Variants in SLC22A7 observed in about 807,000 individuals in gnomAD.
SLC22A7 encodes hOAT2.
In SLC22A7, 48 loss-of-function variants were observed where a neutral mutation model predicts 62.2. The ratio of observed to expected loss-of-function variants is 0.77; its 90% confidence interval spans 0.61 to 0.98. The LOEUF is 0.98. Among genes scored for constraint, SLC22A7 ranks in the 50% least tolerant of loss-of-function variants. The pLI is 0.00. For missense variants in SLC22A7, 581 were observed against 703.8 expected, an observed-to-expected ratio of 0.83 and a Z score of 1.97; for synonymous variants, 276 against 314.8, an observed-to-expected ratio of 0.88 and a Z score of 1.30.
Position 43,298,282 on chromosome 6 carries a change from G to A in SLC22A7, c.-77G>A. 1 of 1,296,764 alleles carries A rather than the reference G, an allele frequency of 7.7e-7. No homozygotes were observed. The highest frequency in any genetic ancestry group is 2.4e-5 in the East Asian group (1 of 41,800). The allele number at this position is 1,296,764 out of a possible 1,614,324, so 80.3% of individuals were successfully genotyped here. On this transcript the variant is annotated 5_prime_UTR_variant, in exon 1 of 11. Transcript: ENST00000372585. ...TCCACTCCCACCTCCAGAGTCCAAG[G>A]GTCTATGTGGTGGGCAGTTTGAGCT...
chr6:43,296,783 G>A (rs1257892100), upstream of SLC22A7, among the ~76,000 whole-genome samples: 2 of 152,158 alleles, frequency 1.3e-5, no homozygotes, highest in Admixed American at 6.5e-5. Flanking sequence ...AGTCATAAGG[G>A]CCAAGCTAAG....
rs1443518274 is a variant in SLC22A7, at chr6:43,304,803, G to A, written c.*78G>A. The A allele has an allele frequency of 1.8e-5, 22 of 1,214,338 alleles. No individual in the cohort carries two copies. The South Asian group carries it at 3.0e-4, about 17-fold the overall frequency. The allele number at this position is 1,214,338 out of a possible 1,614,324, so 75.2% of individuals were successfully genotyped here. ...GCAGAAGGGCAGGCCCTGCAACTCAGGCTGGGAGTATCGAACCCTCTGCCT... is the reference window on the plus strand; with the variant it reads ...GCAGAAGGGCAGGCCCTGCAACTCAAGCTGGGAGTATCGAACCCTCTGCCT... On this transcript the variant is annotated 3_prime_UTR_variant, in exon 11 of 11. Coordinates refer to ENST00000372585, the MANE Select transcript of SLC22A7 (RefSeq NM_153320.2).
upstream of SLC22A7, among the ~76,000 whole-genome samples, chr6:43,297,448 T>C (rs1276449109): frequency 6.6e-6 from 1 of 152,190 alleles, no homozygotes; most frequent in Non-Finnish European, 1.5e-5. Context: ...GCAGGGACCA[T>C]GATTGAGAAT....
chr6:43,297,384 G>C (rs1035196727), upstream of SLC22A7, among the ~76,000 whole-genome samples: 1 of 152,210 alleles, frequency 6.6e-6, no homozygotes, highest in African/African-American at 2.4e-5. Context: ...CTAAGTGTTT[G>C]GAGAATCAGA....
At chr6:43,301,502 A>G in intron 6 of SLC22A7, 81 bp from the exon 7 acceptor site, 2 of 1,185,880 alleles carry the variant, frequency 1.7e-6, no homozygotes, top group South Asian at 1.3e-5. Flanking sequence ...AGGAATAGAG[A>G]GGGGTGGGGG....
intron 5 of SLC22A7, 132 bp from the exon 6 acceptor site, chr6:43,301,003 G>A: frequency 6.1e-6 from 7 of 1,139,084 alleles, no homozygotes; most frequent in Non-Finnish European, 8.9e-6. Context: ...GAGGGCTTGG[G>A]GAGGAGATGA....
chr6:43,299,248 T>C lies in SLC22A7; in HGVS notation c.400-142T>C, dbSNP rs1778647833. The C allele has an allele frequency of 1.9e-6, 3 of 1,608,156 alleles. No homozygotes were observed. Among genetic ancestry groups the C allele is most frequent in the African/African-American group, 1.3e-5 (1 of 74,778 alleles). On this transcript the variant is annotated intron_variant, in intron 2 of 10. Coordinates refer to ENST00000372585, the MANE Select transcript of SLC22A7 (RefSeq NM_153320.2). The surrounding 1 kb of genome is among the most constrained non-coding windows in gnomAD (Gnocchi z 4.4). ...CTATTCCCCAAGCTGGCGTGAATCG[T>C]TGGGAGGTTTATTATCTGGCATGGA...
In SLC22A7 at chr6:43,299,481, A is replaced by G. The variant is rs771368608; in HGVS notation, c.491A>G (p.Tyr164Cys). 3.7e-6 allele frequency: 6 copies of G among 1,612,166 alleles called. No homozygotes were observed. The highest frequency in any genetic ancestry group is 5.1e-6 in the Non-Finnish European group (6 of 1,179,010). ...GVLVGAVAFG[Y>C]LSDRFGRRRL... Reference sequence around the variant, plus strand: ...CTGGTGGGGGCTGTGGCCTTTGGATATCTGTCCGACAGGTGGGGTGAGGCA... The same window carrying G: ...CTGGTGGGGGCTGTGGCCTTTGGATGTCTGTCCGACAGGTGGGGTGAGGCA... Residue 164 changes from tyrosine (Y) to cysteine (C), a missense_variant, in exon 3 of 11, where the codon TAT becomes TGT. Transcript: ENST00000372585. This position sits in a 1 kb window ranked among gnomAD's most constrained non-coding sequence, Gnocchi z 4.4.
Position 43,305,455 on chromosome 6 carries a change from A to G in SLC22A7, c.*730A>G. The G allele has an allele frequency of 3.0e-6, 1 of 328,358 alleles. No individual in the cohort carries two copies. The highest frequency in any genetic ancestry group is 2.9e-5 in the South Asian group (1 of 34,174). 20.3% of individuals were successfully genotyped at this position (328,358 alleles called of 1,614,324 possible). A position where few individuals can be genotyped will look rare whatever the true frequency, so the allele number is the denominator to read the frequency against. On this transcript the variant is annotated 3_prime_UTR_variant, in exon 11 of 11. Transcript: ENST00000372585. ...CTCCAACCCACTGGTCTCATGCCCA[A>G]AGAAGAGTTGAAGGCATGGGAGCCA...
chr6:43,299,412 A>G lies in SLC22A7; in HGVS notation c.422A>G (p.Lys141Arg), dbSNP rs1356408442. Residue 141 changes from lysine to arginine, a missense_variant, in exon 3 of 11, where the codon AAA (lysine) becomes AGA (arginine). Lys to Arg is a conservative substitution (Grantham distance 26, BLOSUM62 2). Coordinates refer to ENST00000372585, the MANE Select transcript of SLC22A7 (RefSeq NM_153320.2). This position sits in a 1 kb window ranked among gnomAD's most constrained non-coding sequence, Gnocchi z 4.4. ...CAGTGGGATCTGGTGTGTGAGCAGA[A>G]AGGTCTGAACAGAGCTGCGTCCACT... ...ESQWDLVCEQKGLNRAASTFF... is the reference protein window; with the variant it reads ...ESQWDLVCEQRGLNRAASTFF... The G allele has an allele frequency of 6.2e-7, 1 of 1,614,054 alleles. No homozygotes were observed. The highest frequency in any genetic ancestry group is 8.5e-7 in the Non-Finnish European group (1 of 1,180,026).
At chr6:43,301,452 A>G in intron 6 of SLC22A7, 131 bp from the exon 7 acceptor site, 1 of 1,013,494 alleles carries the variant, frequency 9.9e-7, no homozygotes, top group Non-Finnish European at 1.5e-6. Context: ...CACTCGTCTC[A>G]GCTGCCATGA....
chr6:43,301,766 G>C (rs1778760288), intron 7 of SLC22A7, 74 bp downstream of exon 7: 1 of 1,082,812 alleles, frequency 9.2e-7, no homozygotes, highest in Admixed American at 2.1e-5. Context: ...TGCTGAGTGT[G>C]AGAAGGGCTC....
At position 43,300,055 on chromosome 6, in the gene SLC22A7, C is replaced by T. The variant is rs751658522; in HGVS notation, c.816C>T (p.Ile272=). The T allele has an allele frequency of 2.5e-6, 4 of 1,613,900 alleles. No homozygotes were observed. In the East Asian group the frequency reaches 8.9e-5, roughly 36 times the overall value. The change falls in exon 5 of 11, where the codon ATC becomes ATT. Residue 272 remains isoleucine (I), a synonymous_variant. Coordinates refer to ENST00000372585, the MANE Select transcript of SLC22A7 (RefSeq NM_153320.2). ...LAVTLPCAPG[I]LSLWWVPESA... ...TCACCCTGCCTTGTGCCCCAGGCATCCTCAGCCTCTGGTGAGGACTGCAGG... is the reference window on the plus strand; with the variant it reads ...TCACCCTGCCTTGTGCCCCAGGCATTCTCAGCCTCTGGTGAGGACTGCAGG...
chr6:43,299,466 C>T lies in SLC22A7; in HGVS notation c.476C>T (p.Ala159Val). 6.2e-7 allele frequency: 1 copy of T among 1,613,386 alleles called. No individual in the cohort carries two copies. Among genetic ancestry groups the T allele is most frequent in the East Asian group, 2.2e-5 (1 of 44,872 alleles). The part of the protein sequence containing the change: ...TFFFAGVLVG[A>V]VAFGYLSDRF... ...TTCTTCGCCGGTGTGCTGGTGGGGG[C>T]TGTGGCCTTTGGATATCTGTCCGAC... Residue 159 changes from alanine to valine, a missense_variant, in exon 3 of 11, where the codon GCT (alanine) becomes GTT (valine). By Grantham distance (64) the Ala-to-Val change is moderately conservative. Coordinates refer to ENST00000372585, the MANE Select transcript of SLC22A7 (RefSeq NM_153320.2). The surrounding 1 kb of genome is among the most constrained non-coding windows in gnomAD (Gnocchi z 4.4).
chr6:43,297,104 G>A (rs531489532), upstream of SLC22A7, among the ~76,000 whole-genome samples: 7 of 152,214 alleles, frequency 4.6e-5, no homozygotes, highest in East Asian at 9.6e-4. Context: ...TTCACTCCAT[G>A]GCTGTCAGCA....
upstream of SLC22A7, among the ~76,000 whole-genome samples, chr6:43,297,176 C>A (rs1210602921): frequency 3.3e-5 from 5 of 152,132 alleles, no homozygotes; most frequent in African/African-American, 4.8e-5. Flanking sequence ...CTCAGGGATC[C>A]CAGCCTGGAG....
rs1409230271 is a variant in SLC22A7 at position 43,302,967 on chromosome 6, A to G, written c.1385+204A>G. Reference sequence around the variant, plus strand: ...AGCGATCCTCCCGCCTCAGCCTCCAAAAGTGCTCGTATTACAGGCACTATT... The same window carrying G: ...AGCGATCCTCCCGCCTCAGCCTCCAGAAGTGCTCGTATTACAGGCACTATT... On this transcript the variant is annotated intron_variant, in intron 9 of 10. Transcript: ENST00000372585. This position sits in a 1 kb window ranked among gnomAD's most constrained non-coding sequence, Gnocchi z 5.0. 1 of 339,012 alleles carries G rather than the reference A, an allele frequency of 2.9e-6. No individual in the cohort carries two copies. Among genetic ancestry groups the G allele is most frequent in the African/African-American group, 2.2e-5 (1 of 44,604 alleles). 21.0% of individuals were successfully genotyped at this position (339,012 alleles called of 1,614,324 possible). A position where few individuals can be genotyped will look rare whatever the true frequency, so the allele number is the denominator to read the frequency against.
At chr6:43,295,858 G>C (rs1778557942), upstream of SLC22A7, 1 of 152,158 alleles carries the variant, frequency 6.6e-6, no homozygotes, top group Non-Finnish European at 1.5e-5. Flanking sequence ...TGGAGCCAGA[G>C]GTAAAATTAA....
Position 43,302,577 on chromosome 6 carries a change from G to T in SLC22A7, c.1277-78G>T. Reference sequence around the variant, plus strand: ...CCACCACTTAAGTTTGGCCCACTCTGGAGACTCCGCACCCTATCCAGAACA... The same window carrying T: ...CCACCACTTAAGTTTGGCCCACTCTTGAGACTCCGCACCCTATCCAGAACA... On this transcript the variant is annotated intron_variant, in intron 8 of 10. Transcript: ENST00000372585. This position sits in a 1 kb window ranked among gnomAD's most constrained non-coding sequence, Gnocchi z 5.0. The T allele has an allele frequency of 7.9e-7, 1 of 1,259,086 alleles. No individual in the cohort carries two copies. The highest frequency in any genetic ancestry group is 1.3e-5 in the South Asian group (1 of 75,286). The allele number at this position is 1,259,086 out of a possible 1,614,324, so 78.0% of individuals were successfully genotyped here.
Sources: gnomAD v4.1 joint callset for allele counts (sites outside exome capture counted in the v4.1 genomes callset) on GRCh38, gnomAD v4.1.1 for gene constraint, Gnocchi (gnomAD v3.1) non-coding constraint, MANE v1.5 for transcripts, NCBI Gene and HGNC (gene_info 2026-07-23, HGNC 2026-07-21) for gene names.